Variants in PPP6R1 observed in about 807,000 individuals in gnomAD.
PPP6R1 encodes the protein serine/threonine-protein phosphatase 6 regulatory subunit 1.
Under a neutral mutation model 104.6 loss-of-function variants are expected in PPP6R1, and 39 were observed. The ratio of observed to expected loss-of-function variants is 0.37; its 90% CI spans 0.29 to 0.49. The LOEUF is 0.49. PPP6R1 is among the 20% of genes least tolerant of loss of function. The pLI, the probability that PPP6R1 is intolerant of heterozygous loss-of-function variation, is 0.98. For synonymous variants in PPP6R1, 549 were observed against 479.0 expected, an observed-to-expected ratio of 1.15 and a Z score of -1.91; for missense variants, 1,181 against 1,155.8, an observed-to-expected ratio of 1.02 and a Z score of -0.32.
At chr19:55,248,856 T>C (rs112307283) in intron 1 of PPP6R1, among the ~76,000 whole-genome samples, 29 of 152,284 alleles carry the variant, frequency 1.9e-4, no homozygotes, top group African/African-American at 6.7e-4. Flanking sequence ...TGGGCCTCCT[T>C]TCCTCTCCTT....
downstream of PPP6R1, chr19:55,228,627 G>A (rs892785602): frequency 1.5e-5 from 24 of 1,566,294 alleles, no homozygotes; most frequent in South Asian, 1.1e-4. Flanking sequence ...TCCCAGACCC[G>A]CCGGCTGCTG....
intron 1 of PPP6R1, among the ~76,000 whole-genome samples, chr19:55,256,431 T>C (rs1048280163): frequency 6.6e-6 from 1 of 152,154 alleles, no homozygotes; most frequent in East Asian, 1.9e-4. Flanking sequence ...ACCAAAAACA[T>C]CTCCAGATAT....
At chr19:55,247,470 G>A (rs2087519652) in intron 1 of PPP6R1, 1 of 267,522 alleles carries the variant, frequency 3.7e-6, no homozygotes, top group African/African-American at 2.2e-5. Flanking sequence ...CCTGCGAGAA[G>A]AGGCTGGACC....
intron 1 of PPP6R1, among the ~76,000 whole-genome samples, chr19:55,254,102 G>A (rs567516501): frequency 8.5e-5 from 13 of 152,336 alleles, no homozygotes; most frequent in African/African-American, 3.1e-4. Context: ...CAGAGGAGCA[G>A]GAGAAAGACT....
At position 55,231,970 on chromosome 19, in the gene PPP6R1, G is replaced by A. The variant is rs944255192; in HGVS notation, c.2138C>T (p.Thr713Ile). Residue 713 changes from threonine to isoleucine, a missense_variant, in exon 19 of 24, where the codon ACA becomes ATA. Physicochemically the swap from Thr to Ile is moderately conservative, Grantham distance 89. Around this residue, in one of 2 missense-constraint regions of PPP6R1, gnomAD observed 1,042 missense variants for 955.6 expected, o/e 1.09. Transcript: ENST00000412770. ...TGTAGGCACTGGGTCAAAGGTGGCTGTCCAGCTGGGGCCTGGGATAGAGGT... is the reference window on the plus strand; with the variant it reads ...TGTAGGCACTGGGTCAAAGGTGGCTATCCAGCTGGGGCCTGGGATAGAGGT... ...PGPQPPGPSW[T>I]ATFDPVPTDA... 2.5e-6 allele frequency: 4 copies of A among 1,598,644 alleles called. No homozygotes were observed. Among genetic ancestry groups the A allele is most frequent in the African/African-American group, 2.7e-5 (2 of 74,676 alleles).
At chr19:55,240,624 CAT>C (rs71848940) in intron 10 of PPP6R1, among the ~76,000 whole-genome samples, 3,298 of 143,122 alleles carry the variant, frequency 0.023, 117 homozygotes, top group African/African-American at 0.081. Flanking sequence ...CACTCACACA[CAT>C]ACATGCTCTC....
In PPP6R1 at chr19:55,239,927, G is replaced by A. The variant is rs374824483; in HGVS notation, c.1478-16C>T. 9.3e-6 allele frequency: 15 copies of A among 1,613,548 alleles called. No homozygotes were observed. The highest frequency in any genetic ancestry group is 8.8e-5 in the South Asian group (8 of 91,052). On this transcript the variant is annotated splice_polypyrimidine_tract_variant and intron_variant, in intron 12 of 23. Coordinates refer to ENST00000412770, the MANE Select transcript of PPP6R1 (RefSeq NM_014931.4). ...CTGGGCAGCTCTGCTTAGGTGAGAG[G>A]GGTGAAGACGTGAGGCATCTCGGGG... is the stretch of plus-strand genomic sequence containing the variant.
Position 55,241,419 on chromosome 19 carries a change from A to G in PPP6R1, c.1009-28T>C, listed in dbSNP as rs545881474. ...GCAGACACAGGGAGGCCTGATTCCC[A>G]AGGGCTGCCCTTCCTGCTTCCCCCG... On this transcript the variant is annotated intron_variant, in intron 8 of 23. Coordinates refer to ENST00000412770, the MANE Select transcript of PPP6R1 (RefSeq NM_014931.4). This position sits in a 1 kb window ranked among gnomAD's most constrained non-coding sequence, Gnocchi z 5.4. 1.7e-4 allele frequency: 279 copies of G among 1,599,156 alleles called. 2 individuals are homozygous for G. The East Asian group carries it at 6.2e-3, about 35-fold the overall frequency.
intron 10 of PPP6R1, among the ~76,000 whole-genome samples, chr19:55,240,716 C>T (rs891826903): frequency 2.0e-5 from 3 of 152,298 alleles, no homozygotes; most frequent in South Asian, 2.1e-4. Flanking sequence ...GGTCTGCTCC[C>T]GCCCACCCCT....
Position 55,242,492 on chromosome 19 carries a change from G to C in PPP6R1, c.619-4C>G, listed in dbSNP as rs1450486041. On this transcript the variant is annotated splice_region_variant and splice_polypyrimidine_tract_variant and intron_variant, in intron 5 of 23. Transcript: ENST00000412770. The stretch of plus-strand genomic sequence containing the variant: ...ACTGGGATGCGTTGGAATGTTGCTG[G>C]AACGGGGAGAGACAGGTGAGGATCC... 6.2e-7 allele frequency: 1 copy of C among 1,610,358 alleles called. No homozygotes were observed. Among genetic ancestry groups the C allele is most frequent in the Admixed American group, 1.7e-5 (1 of 60,002 alleles).
chr19:55,236,670 G>C lies in PPP6R1; in HGVS notation c.1961C>G (p.Ala654Gly). 1 of 1,589,348 alleles carries C rather than the reference G, an allele frequency of 6.3e-7. No individual in the cohort carries two copies. Among genetic ancestry groups the C allele is most frequent in the Non-Finnish European group, 8.6e-7 (1 of 1,169,424 alleles). Residue 654 changes from alanine to glycine, a missense_variant, in exon 17 of 24, where the codon GCC becomes GGC. This residue lies in a region of PPP6R1 where 1,042 missense variants were observed against 955.6 expected (regional missense o/e 1.09). Coordinates refer to ENST00000412770, the MANE Select transcript of PPP6R1 (RefSeq NM_014931.4). Reference sequence around the variant, plus strand: ...GACACCAGGTGGCTGGCCCAGACGGGCCCCCCTGGCCAGCTGGCTGCCCTG... The same window carrying C: ...GACACCAGGTGGCTGGCCCAGACGGCCCCCCCTGGCCAGCTGGCTGCCCTG... ...AWQGSQLARG[A>G]RLGQPPGVRS...
chr19:55,233,886 T>C (rs1036480374), intron 17 of PPP6R1, among the ~76,000 whole-genome samples: 4 of 152,122 alleles, frequency 2.6e-5, no homozygotes, highest in Non-Finnish European at 5.9e-5. Context: ...TCTCAAGAAA[T>C]CCCAAATAGG....
At chr19:55,234,815 G>A (rs1162565554) in intron 17 of PPP6R1, among the ~76,000 whole-genome samples, 1 of 152,210 alleles carries the variant, frequency 6.6e-6, no homozygotes, top group African/African-American at 2.4e-5. Flanking sequence ...CAAGCAGAGT[G>A]TTGAGCAACA....
chr19:55,250,225 C>T (rs1409870098), intron 1 of PPP6R1, among the ~76,000 whole-genome samples: 3 of 152,224 alleles, frequency 2.0e-5, no homozygotes, highest in Non-Finnish European at 4.4e-5. Context: ...ATCACCTCCA[C>T]CAACTCTCAC....
In PPP6R1 at chr19:55,245,469, CGCCAGGGTGGGG is replaced by C. The variant is rs1568948988; in HGVS notation, c.414+11_414+22del. Reference sequence around the variant, plus strand: ...GCCACCACCCCTCAACCCACGGTGGCGCCAGGGTGGGGGCCAGGGCACCTGGTCTGTCTTGCG... The same window carrying C: ...GCCACCACCCCTCAACCCACGGTGGCGCCAGGGCACCTGGTCTGTCTTGCG... On this transcript the variant is annotated intron_variant, in intron 3 of 23. Coordinates refer to ENST00000412770, the MANE Select transcript of PPP6R1 (RefSeq NM_014931.4). The surrounding 1 kb of genome is among the most constrained non-coding windows in gnomAD (Gnocchi z 6.4). The C allele has an allele frequency of 3.1e-6, 5 of 1,610,024 alleles. No individual in the cohort carries two copies. Among genetic ancestry groups the C allele is most frequent in the Non-Finnish European group, 4.2e-6 (5 of 1,178,040 alleles).
At chr19:55,243,508 C>CA (rs1568948095) in intron 5 of PPP6R1, among the ~76,000 whole-genome samples, 1 of 151,308 alleles carries the variant, frequency 6.6e-6, no homozygotes, top group South Asian at 2.1e-4. Flanking sequence ...TCTACAAATA[C>CA]AAAAAAATTA....
At chr19:55,254,952 C>A (rs868227071) in intron 1 of PPP6R1, among the ~76,000 whole-genome samples, 2 of 152,200 alleles carry the variant, frequency 1.3e-5, no homozygotes, top group Non-Finnish European at 2.9e-5. Context: ...CTGCAGAATC[C>A]GGCATCACCC....
intron 15 of PPP6R1, 37 bp from the exon 16 acceptor site, chr19:55,237,007 C>A (rs751811825): frequency 8.3e-6 from 13 of 1,566,676 alleles, no homozygotes; most frequent in Non-Finnish European, 1.1e-5. Flanking sequence ...GAAGGTCCAC[C>A]TGGGGGTGGG....
In PPP6R1 at chr19:55,240,570, C is replaced by T. The variant is rs146602215; in HGVS notation, c.1297-270G>A. On this transcript the variant is annotated intron_variant, in intron 10 of 23. Coordinates refer to ENST00000412770, the MANE Select transcript of PPP6R1 (RefSeq NM_014931.4). Reference sequence around the variant, plus strand: ...ACACACACACACATGCATGCACTAACGGACACACACATGCTCACACATACA... The same window carrying T: ...ACACACACACACATGCATGCACTAATGGACACACACATGCTCACACATACA... Among the ~76,000 whole-genome samples, 361 of 151,882 alleles carry T rather than the reference C, an allele frequency of 2.4e-3. 2 individuals carry two copies. Among genetic ancestry groups the T allele is most frequent in the African/African-American group, 8.0e-3 (333 of 41,412 alleles).
Sources: allele counts gnomAD v4.1 joint callset (sites outside exome capture counted in the v4.1 genomes callset), GRCh38; gene constraint gnomAD v4.1.1; regional missense constraint gnomAD v4.1.1; non-coding constraint Gnocchi (gnomAD v3.1); transcripts MANE v1.5; gene names NCBI Gene and HGNC (gene_info 2026-07-23, HGNC 2026-07-21).